Variants in WDR64 observed in about 807,000 individuals in gnomAD.
WDR64 encodes the protein WD repeat domain 64.
A neutral mutation model predicts 139.3 loss-of-function variants in WDR64; 112 were observed. That is an observed-to-expected ratio of 0.80 (90% confidence interval 0.69 to 0.94). The LOEUF is 0.94. Among genes scored for constraint, WDR64 ranks in the 40% least tolerant of loss-of-function variants. WDR64 has a pLI of 0.00. For synonymous variants in WDR64, 444 were observed against 437.7 expected (o/e 1.01, Z -0.18); for missense variants, 1,206 against 1,293.1 (o/e 0.93, Z 1.03).
intron 10 of WDR64, among the ~76,000 whole-genome samples, chr1:241,729,249 C>T (rs974417217): frequency 3.3e-5 from 5 of 152,132 alleles, no homozygotes; most frequent in African/African-American, 1.2e-4. Context: ...TTAGTTCAGA[C>T]CCATCCACCA....
chr1:241,735,849 CTCTCTCTG>C (rs1268207015), intron 10 of WDR64, among the ~76,000 whole-genome samples: 993 of 89,328 alleles, frequency 0.011, 3 homozygotes, highest in East Asian at 0.027. Flanking sequence ...CTCTCTCTCT[CTCTCTCTG>C]TGTGTGTGTG....
intron 6 of WDR64, among the ~76,000 whole-genome samples, chr1:241,680,886 A>G (rs1006328420): frequency 6.6e-6 from 1 of 152,158 alleles, no homozygotes; most frequent in African/African-American, 2.4e-5. Flanking sequence ...TTCTCCCTCT[A>G]GTAGATGGAC....
At chr1:241,728,331 T>G (rs1668930588) in intron 10 of WDR64, among the ~76,000 whole-genome samples, 1 of 132,166 alleles carries the variant, frequency 7.6e-6, no homozygotes. Flanking sequence ...AGACTCAGTC[T>G]CAGAAAAGAA....
chr1:241,733,668 TA>T (rs1669181835), intron 10 of WDR64, among the ~76,000 whole-genome samples: 2 of 150,612 alleles, frequency 1.3e-5, no homozygotes, highest in African/African-American at 4.9e-5. Flanking sequence ...TATATGTATA[TA>T]ATATTTAATT....
At chr1:241,676,783 G>A (rs935433618) in intron 4 of WDR64, among the ~76,000 whole-genome samples, 1 of 142,176 alleles carries the variant, frequency 7.0e-6, no homozygotes, top group South Asian at 2.2e-4. Context: ...GGGTCTCGCT[G>A]TGTTGTCCAG....
chr1:241,723,224 AT>A, intron 9 of WDR64, 72 bp from the exon 10 acceptor site: 1 of 1,567,146 alleles, frequency 6.4e-7, no homozygotes. Context: ...TACGGGTATG[AT>A]ACAGTGAGAG....
rs549401874 is a variant in WDR64, at chr1:241,684,070, A to G, written c.839+369A>G. On this transcript the variant is annotated intron_variant, in intron 7 of 27. Transcript: ENST00000437684. ...TGACTAGTTACTAGCACTTGAAGATAGGAAAAGTTCTAAATATAAAAGCAA... is the reference window on the plus strand; with the variant it reads ...TGACTAGTTACTAGCACTTGAAGATGGGAAAAGTTCTAAATATAAAAGCAA... 5.9e-5 allele frequency among the ~76,000 whole-genome samples: 9 copies of G among 152,336 alleles called. No homozygotes were observed. In the South Asian group the frequency reaches 6.2e-4, roughly 11 times the overall value.
chr1:241,798,796 G>T (rs546553859), intron 27 of WDR64, among the ~76,000 whole-genome samples: 1 of 152,126 alleles, frequency 6.6e-6, no homozygotes, highest in African/African-American at 2.4e-5. Flanking sequence ...TTTAAATATA[G>T]AAATGCTAAT....
At chr1:241,735,544 T>G (rs2148229189) in intron 10 of WDR64, among the ~76,000 whole-genome samples, 1 of 145,662 alleles carries the variant, frequency 6.9e-6, no homozygotes, top group East Asian at 2.0e-4. Context: ...TTTTTTTTTT[T>G]TTTTTTTTGA....
chr1:241,696,140 A>AAAAAAAAAAAAAAAAC (rs1391307114), intron 8 of WDR64, among the ~76,000 whole-genome samples: 2 of 149,648 alleles, frequency 1.3e-5, no homozygotes, highest in East Asian at 1.9e-4. Context: ...AAAAAAAAAA[A>AAAAAAAAAAAAAAAAC]AGCATTAGTC....
At chr1:241,680,402 C>T (rs1039924340) in intron 6 of WDR64, among the ~76,000 whole-genome samples, 9 of 152,248 alleles carry the variant, frequency 5.9e-5, no homozygotes, top group Middle Eastern at 3.4e-3. Context: ...TGTTGGTCAA[C>T]GTACTTTATT....
chr1:241,747,950 C>T (rs553836201), intron 13 of WDR64, among the ~76,000 whole-genome samples: 3 of 152,254 alleles, frequency 2.0e-5, no homozygotes, highest in South Asian at 2.1e-4. Flanking sequence ...GAGAGTACAG[C>T]GCTTCTAAAA....
At chr1:241,787,823 T>C in intron 23 of WDR64, 26 bp from the exon 24 acceptor site, 1 of 1,542,264 alleles carries the variant, frequency 6.5e-7, no homozygotes, top group Non-Finnish European at 8.7e-7. Flanking sequence ...AGTTACTTTT[T>C]CCTCCCTTCC....
At chr1:241,728,834 T>C (rs868128617) in intron 10 of WDR64, among the ~76,000 whole-genome samples, 1,544 of 150,350 alleles carry the variant, frequency 0.01, 33 homozygotes, top group African/African-American at 0.036. Flanking sequence ...TTTTTTTTTT[T>C]CTATGAAGGG....
At chr1:241,698,447 T>A (rs1283017332) in intron 8 of WDR64, among the ~76,000 whole-genome samples, 2 of 152,160 alleles carry the variant, frequency 1.3e-5, no homozygotes, top group Non-Finnish European at 2.9e-5. Context: ...TTCATTAATC[T>A]TCCAGGGTAT....
intron 8 of WDR64, among the ~76,000 whole-genome samples, chr1:241,706,401 C>A (rs1287549862): frequency 6.6e-6 from 1 of 152,224 alleles, no homozygotes; most frequent in Non-Finnish European, 1.5e-5. Flanking sequence ...AAATAATGCC[C>A]TTCCTGGTTT....
intron 11 of WDR64, among the ~76,000 whole-genome samples, chr1:241,739,759 G>A (rs1260033079): frequency 6.6e-6 from 1 of 152,178 alleles, no homozygotes; most frequent in African/African-American, 2.4e-5. Flanking sequence ...TAGCACCTCT[G>A]TTTGCAAAAA....
At chr1:241,672,863 C>T (rs542724053) in intron 3 of WDR64, among the ~76,000 whole-genome samples, 2 of 151,998 alleles carry the variant, frequency 1.3e-5, no homozygotes, top group Non-Finnish European at 2.9e-5. Flanking sequence ...GGAGAAGCAA[C>T]GATGGGAGTG....
intron 24 of WDR64, among the ~76,000 whole-genome samples, chr1:241,788,691 T>C (rs924355164): frequency 2.6e-5 from 4 of 152,124 alleles, no homozygotes; most frequent in African/African-American, 9.7e-5. Flanking sequence ...TAAATAGGAA[T>C]TGAAGCTAAA....
Sources: allele counts gnomAD v4.1 joint callset (sites outside exome capture counted in the v4.1 genomes callset), GRCh38; gene constraint gnomAD v4.1.1; transcripts MANE v1.5; gene names NCBI Gene and HGNC (gene_info 2026-07-23, HGNC 2026-07-21).